The following ANO3 variants were observed in gnomAD, a reference collection of about 807,000 sequenced individuals.
The protein encoded by ANO3 is anoctamin 3.
In ANO3, 99 loss-of-function variants were observed where a neutral mutation model predicts 144.8. The ratio of observed to expected loss-of-function variants is 0.68; its 90% CI spans 0.58 to 0.81. The LOEUF is 0.81. Ranked by LOEUF, ANO3 falls within the 30% of genes least tolerant of loss-of-function variation. ANO3 has a pLI of 0.00. For missense variants in ANO3, 905 were observed against 1,202.2 expected, an observed-to-expected ratio of 0.75 and a Z score of 3.66; for synonymous variants, 414 against 392.6, an observed-to-expected ratio of 1.05 and a Z score of -0.64.
intron 14 of ANO3, chr11:26,563,404 TGTGTGTG>T: frequency 3.3e-6 from 1 of 299,282 alleles, no homozygotes; most frequent in South Asian, 6.1e-5. Context: ...TCTGTGTGTG[TGTGTGTG>T]TGTGTGTGTG....
At chr11:26,513,254 G>T (rs530717899) in intron 5 of ANO3, among the ~76,000 whole-genome samples, 1 of 152,266 alleles carries the variant, frequency 6.6e-6, no homozygotes, top group East Asian at 1.9e-4. Flanking sequence ...GATGAAATGA[G>T]GTTCTAAGAA....
intron 4 of ANO3, among the ~76,000 whole-genome samples, chr11:26,491,943 C>T (rs1026002458): frequency 3.3e-5 from 5 of 152,060 alleles, no homozygotes; most frequent in Admixed American, 6.6e-5. Flanking sequence ...TTAATTTGTC[C>T]GTAAGTACAG....
intron 4 of ANO3, among the ~76,000 whole-genome samples, chr11:26,470,952 CT>C (rs1218623034): frequency 6.6e-6 from 1 of 151,944 alleles, no homozygotes; most frequent in Non-Finnish European, 1.5e-5. Flanking sequence ...CCATTCAGGA[CT>C]TCACCTTTTT....
At chr11:26,207,906 C>A (rs1851841571) in intron 1 of ANO3, 1 of 151,962 alleles carries the variant, frequency 6.6e-6, no homozygotes, top group South Asian at 2.1e-4. Flanking sequence ...TTGTCAGTTA[C>A]TTCAGGCTGC....
At chr11:26,467,853 G>A (rs900730357) in intron 4 of ANO3, among the ~76,000 whole-genome samples, 2 of 151,806 alleles carry the variant, frequency 1.3e-5, no homozygotes, top group African/African-American at 4.8e-5. Context: ...GCAATTTAAG[G>A]AAGCATTTTG....
chr11:26,223,586 C>T (rs1445013950), intron 1 of ANO3, among the ~76,000 whole-genome samples: 3 of 146,558 alleles, frequency 2.0e-5, no homozygotes, highest in Admixed American at 6.9e-5. Context: ...TGTGCTAGTC[C>T]ATTCTAGCTT....
intron 4 of ANO3, among the ~76,000 whole-genome samples, chr11:26,487,644 A>T (rs1244763724): frequency 6.6e-6 from 1 of 152,184 alleles, no homozygotes; most frequent in Non-Finnish European, 1.5e-5. Flanking sequence ...CGATAGTGAT[A>T]TGAGCAATAA....
chr11:26,253,613 G>A (rs1296638914), intron 1 of ANO3, among the ~76,000 whole-genome samples: 5 of 150,632 alleles, frequency 3.3e-5, no homozygotes, highest in Non-Finnish European at 7.4e-5. Flanking sequence ...TGCAATGACC[G>A]AATGCTTTGG....
At chr11:26,324,573 T>C (rs1854838794) in intron 1 of ANO3, among the ~76,000 whole-genome samples, 1 of 152,178 alleles carries the variant, frequency 6.6e-6, no homozygotes, top group Non-Finnish European at 1.5e-5. Flanking sequence ...TAAACACTCA[T>C]CAACAAAGGC....
chr11:26,613,821 G>A (rs1019651284), intron 17 of ANO3, among the ~76,000 whole-genome samples: 1 of 152,202 alleles, frequency 6.6e-6, no homozygotes, highest in Admixed American at 6.5e-5. Flanking sequence ...GGTTTTGCTT[G>A]GGGCTGGGGC....
chr11:26,504,367 C>T (rs1413925885), intron 4 of ANO3, among the ~76,000 whole-genome samples: 2 of 151,388 alleles, frequency 1.3e-5, no homozygotes, highest in Admixed American at 6.6e-5. Context: ...TTCTTCTTTC[C>T]TTCTTTCTAT....
At chr11:26,193,291 A>G (rs1231201050) in intron 1 of ANO3, among the ~76,000 whole-genome samples, 1 of 151,600 alleles carries the variant, frequency 6.6e-6, no homozygotes, top group Non-Finnish European at 1.5e-5. Flanking sequence ...GCAGGCATGC[A>G]CCACCACGCC....
At chr11:26,226,638 G>A (rs1447804676) in intron 1 of ANO3, among the ~76,000 whole-genome samples, 1 of 151,872 alleles carries the variant, frequency 6.6e-6, no homozygotes, top group African/African-American at 2.4e-5. Flanking sequence ...TACCATCAGT[G>A]GCTACATAAA....
At chr11:26,472,095 T>G (rs976435200) in intron 4 of ANO3, among the ~76,000 whole-genome samples, 4 of 151,954 alleles carry the variant, frequency 2.6e-5, no homozygotes, top group Non-Finnish European at 5.9e-5. Flanking sequence ...GTGCAGATAA[T>G]GGTTCTACTT....
At chr11:26,589,466 C>T (rs1289948402) in intron 14 of ANO3, among the ~76,000 whole-genome samples, 3 of 150,800 alleles carry the variant, frequency 2.0e-5, no homozygotes, top group Non-Finnish European at 4.4e-5. Flanking sequence ...TAATTTGCAC[C>T]CATTTAAAGT....
intron 17 of ANO3, among the ~76,000 whole-genome samples, chr11:26,605,795 A>G (rs1851918686): frequency 6.6e-6 from 1 of 150,914 alleles, no homozygotes; most frequent in Non-Finnish European, 1.5e-5. Flanking sequence ...CCCCTTTATC[A>G]TTTTTTATTG....
intron 9 of ANO3, 47 bp from the exon 10 acceptor site, chr11:26,537,359 G>A (rs779420412): frequency 2.2e-5 from 32 of 1,435,776 alleles, no homozygotes; most frequent in Non-Finnish European, 2.8e-5. Context: ...CAGAGGAAAT[G>A]TTTCATTGAA....
At chr11:26,509,676 T>C (rs1289662627) in intron 5 of ANO3, among the ~76,000 whole-genome samples, 1 of 152,102 alleles carries the variant, frequency 6.6e-6, no homozygotes, top group Non-Finnish European at 1.5e-5. Context: ...AAAAAAAAAC[T>C]GTTTTTGATG....
rs918201887 is a variant in ANO3 at position 26,508,089 on chromosome 11, T to C, written c.433-15T>C. 1.3e-6 allele frequency: 2 copies of C among 1,569,188 alleles called. No homozygotes were observed. The highest frequency in any genetic ancestry group is 1.4e-5 in the African/African-American group (1 of 71,738). ...GTCTAACCCACACCATTAACAATCATTGCTTTATTTGCAGAATGACATGAA... is the reference window on the plus strand; with the variant it reads ...GTCTAACCCACACCATTAACAATCACTGCTTTATTTGCAGAATGACATGAA... On this transcript the variant is annotated splice_polypyrimidine_tract_variant and intron_variant, in intron 4 of 26. Coordinates refer to ENST00000256737, the MANE Select transcript of ANO3 (RefSeq NM_031418.4).
Sources: gnomAD v4.1 joint callset for allele counts (sites outside exome capture counted in the v4.1 genomes callset) on GRCh38, gnomAD v4.1.1 for gene constraint, MANE v1.5 for transcripts, NCBI Gene and HGNC (gene_info 2026-07-23, HGNC 2026-07-21) for gene names.